PTGER3: variants seen among roughly 807,000 people sequenced by gnomAD.
The protein encoded by PTGER3 is prostaglandin E receptor 3.
In PTGER3, 22 loss-of-function variants were observed where a neutral mutation model predicts 34.7. That is an observed-to-expected ratio of 0.63 (90% CI 0.45 to 0.91). The LOEUF is 0.91. Ranked by LOEUF, PTGER3 falls within the 40% of genes least tolerant of loss-of-function variation. PTGER3 has a pLI of 0.00. For missense variants in PTGER3, 468 were observed against 519.4 expected (o/e 0.90, Z 0.96); for synonymous variants, 241 against 230.1 (o/e 1.05, Z -0.43).
chr1:70,937,588 G>A (rs928494582), intron 4 of PTGER3, among the ~76,000 whole-genome samples: 13 of 152,280 alleles, frequency 8.5e-5, no homozygotes, highest in African/African-American at 2.4e-4. Flanking sequence ...GAATTTGGAT[G>A]TACTTGAAAC....
chr1:70,981,292 CTTCCTTCCTT>C (rs1557708417), intron 2 of PTGER3, among the ~76,000 whole-genome samples: 1 of 58,086 alleles, frequency 1.7e-5, no homozygotes, highest in East Asian at 4.8e-4. Context: ...CTCTCTCTCT[CTTCCTTCCTT>C]CCTTCCTTCC....
intron 2 of PTGER3, among the ~76,000 whole-genome samples, chr1:70,964,001 C>T (rs969755229): frequency 2.0e-5 from 3 of 152,176 alleles, no homozygotes; most frequent in African/African-American, 4.8e-5. Flanking sequence ...AGGGCAGAGG[C>T]TAAAAGCCGT....
chr1:70,990,386 C>T (rs199875196), intron 2 of PTGER3, among the ~76,000 whole-genome samples: 1,711 of 131,304 alleles, frequency 0.013, 36 homozygotes, highest in East Asian at 0.056. Flanking sequence ...CACACACACA[C>T]ATATATATAT....
At chr1:71,024,454 A>G (rs1348590318) in intron 1 of PTGER3, among the ~76,000 whole-genome samples, 1 of 152,044 alleles carries the variant, frequency 6.6e-6, no homozygotes, top group Non-Finnish European at 1.5e-5. Flanking sequence ...TTGTTACAAG[A>G]GTAGGGATCA....
At chr1:70,941,321 A>ATCTAAAC (rs1408130855) in intron 4 of PTGER3, among the ~76,000 whole-genome samples, 2 of 152,170 alleles carry the variant, frequency 1.3e-5, no homozygotes, top group Non-Finnish European at 2.9e-5. Context: ...ATTTGGTAGT[A>ATCTAAAC]TCTAAACTCT....
chr1:71,043,825 GT>G (rs1176358210), intron 1 of PTGER3, among the ~76,000 whole-genome samples: 34 of 140,902 alleles, frequency 2.4e-4, no homozygotes, highest in African/African-American at 5.4e-4. Flanking sequence ...TTTGTTTTTT[GT>G]TTTTTTTTTA....
At chr1:71,035,638 C>T (rs1234307726) in intron 1 of PTGER3, among the ~76,000 whole-genome samples, 1 of 152,222 alleles carries the variant, frequency 6.6e-6, no homozygotes, top group African/African-American at 2.4e-5. Flanking sequence ...CAGATCAAAT[C>T]ATTCCCCTAC....
chr1:71,002,685 T>C (rs2100819110), intron 2 of PTGER3, among the ~76,000 whole-genome samples: 1 of 152,340 alleles, frequency 6.6e-6, no homozygotes, highest in African/African-American at 2.4e-5. Context: ...AGGCAGTGAT[T>C]ACACTTCATG....
chr1:71,046,278 T>A, intron 1 of PTGER3, among the ~76,000 whole-genome samples: 1 of 87,338 alleles, frequency 1.1e-5, no homozygotes, highest in Non-Finnish European at 2.0e-5. Context: ...AGAGCGAGAC[T>A]CCGTCTCAAA....
At chr1:70,880,095 A>T (rs1283182241) in intron 4 of PTGER3, among the ~76,000 whole-genome samples, 1 of 152,110 alleles carries the variant, frequency 6.6e-6, no homozygotes, top group Non-Finnish European at 1.5e-5. Context: ...TCTCAAAAAA[A>T]AAAAATTGAT....
At chr1:70,886,696 C>T (rs1646505626) in intron 4 of PTGER3, among the ~76,000 whole-genome samples, 1 of 152,164 alleles carries the variant, frequency 6.6e-6, no homozygotes, top group Non-Finnish European at 1.5e-5. Context: ...TTTCTGTCTC[C>T]CCTAACTAGA....
Position 70,871,896 on chromosome 1 carries a change from A to G in PTGER3, c.*24-19037T>C, listed in dbSNP as rs371276401. 1.9e-4 allele frequency among the ~76,000 whole-genome samples: 29 copies of G among 152,286 alleles called. No homozygotes were observed. In the East Asian group the frequency reaches 5.2e-3, roughly 27 times the overall value. On this transcript the variant is annotated intron_variant, in intron 4 of 4. Transcript: ENST00000370931. Reference sequence around the variant, plus strand: ...GCTATTTTAGCTTACCAAAAGTTAAAGTATGCTCTCCCCTCCCACATTCCA... The same window carrying G: ...GCTATTTTAGCTTACCAAAAGTTAAGGTATGCTCTCCCCTCCCACATTCCA...
chr1:71,033,044 A>C (rs1659542204), intron 1 of PTGER3, among the ~76,000 whole-genome samples: 1 of 152,158 alleles, frequency 6.6e-6, no homozygotes, highest in Non-Finnish European at 1.5e-5. Context: ...CATGTCTCAG[A>C]AAAAAGGAAA....
chr1:70,987,138 T>C (rs568778383), intron 2 of PTGER3, among the ~76,000 whole-genome samples: 41 of 152,260 alleles, frequency 2.7e-4, no homozygotes, highest in Non-Finnish European at 5.9e-4. Context: ...TAAACAAATA[T>C]GGTTATGGTT....
chr1:70,930,298 A>G (rs920549089), intron 4 of PTGER3, among the ~76,000 whole-genome samples: 2 of 152,190 alleles, frequency 1.3e-5, no homozygotes, highest in Non-Finnish European at 2.9e-5. Context: ...GCTAACCACA[A>G]CCACCTCAAA....
intron 4 of PTGER3, among the ~76,000 whole-genome samples, chr1:70,893,786 G>A (rs11803897): frequency 6.6e-6 from 1 of 152,094 alleles, no homozygotes; most frequent in Non-Finnish European, 1.5e-5. Context: ...GTCTATTGCT[G>A]CTAGGAATAA....
chr1:71,017,891 A>G (rs530906908), intron 1 of PTGER3, among the ~76,000 whole-genome samples: 2 of 152,252 alleles, frequency 1.3e-5, no homozygotes, highest in Admixed American at 1.3e-4. Context: ...CAGACTCCCA[A>G]GTAGCTGGGA....
At chr1:70,949,385 A>G (rs1650526627), downstream of PTGER3, among the ~76,000 whole-genome samples, 1 of 152,210 alleles carries the variant, frequency 6.6e-6, no homozygotes, top group Non-Finnish European at 1.5e-5. Context: ...AAAGTGTCCC[A>G]TAGCACCAGA....
chr1:70,884,488 C>T (rs1646457086), intron 4 of PTGER3, among the ~76,000 whole-genome samples: 1 of 152,162 alleles, frequency 6.6e-6, no homozygotes, highest in Non-Finnish European at 1.5e-5. Context: ...AAGAGATAAG[C>T]AGGAGCAAGA....
Sources: allele counts gnomAD v4.1 joint callset (sites outside exome capture counted in the v4.1 genomes callset), GRCh38; gene constraint gnomAD v4.1.1; transcripts MANE v1.5; gene names NCBI Gene and HGNC (gene_info 2026-07-23, HGNC 2026-07-21).